CIROZ: variants seen among roughly 807,000 people sequenced by gnomAD.
CIROZ encodes ciliated left-right organizer protein containing ZP-N domains, also known as ciliated left-right organizer ZP-N domains-containing protein.
chr1:10,950,181 G>A, the CIROZ span, among the ~76,000 whole-genome samples: 2 of 151,780 alleles, frequency 1.3e-5, no homozygotes, highest in Non-Finnish European at 2.9e-5. Context: ...TTACAGGTGT[G>A]CACCACCATG....
chr1:10,975,468 A>G, the CIROZ span, among the ~76,000 whole-genome samples: 9,380 of 150,216 alleles, frequency 0.062, 1,009 homozygotes, highest in African/African-American at 0.22. Context: ...GCACACCTGT[A>G]GTCCCAGCCA....
chr1:10,959,296 A>T, the CIROZ span, among the ~76,000 whole-genome samples: 1 of 152,098 alleles, frequency 6.6e-6, no homozygotes, highest in Non-Finnish European at 1.5e-5. This position sits in a 1 kb window ranked among gnomAD's most constrained non-coding sequence, Gnocchi z 4.3. Flanking sequence ...TTCAGTGCTA[A>T]AACTGAGACA....
chr1:10,958,367 G>C, the CIROZ span, among the ~76,000 whole-genome samples: 1 of 152,200 alleles, frequency 6.6e-6, no homozygotes, highest in South Asian at 2.1e-4. Context: ...TGTGCAACAT[G>C]GAACAAGCTC....
chr1:10,949,501 G>T, the CIROZ span: 1 of 1,100,890 alleles, frequency 9.1e-7, no homozygotes. Flanking sequence ...TCAGAGTGGG[G>T]CTCTCTTTGG....
At chr1:10,960,301 G>A in the CIROZ span, among the ~76,000 whole-genome samples, 2 of 152,198 alleles carry the variant, frequency 1.3e-5, no homozygotes, top group Non-Finnish European at 2.9e-5. This position sits in a 1 kb window ranked among gnomAD's most constrained non-coding sequence, Gnocchi z 4.6. Flanking sequence ...CTACTCAGGA[G>A]GCTGAGGCAC....
chr1:10,966,594 A>G, the CIROZ span: 1 of 1,197,022 alleles, frequency 8.4e-7, no homozygotes, highest in Non-Finnish European at 1.1e-6. Context: ...GAAGCTTCTT[A>G]CCTGGAAGGG....
the CIROZ span, among the ~76,000 whole-genome samples, chr1:10,958,300 C>T: frequency 7.2e-5 from 11 of 152,262 alleles, no homozygotes; most frequent in South Asian, 1.9e-3. Context: ...CTGGATCCTT[C>T]GGGGAGGCTG....
At chr1:10,975,916 C>G in the CIROZ span, among the ~76,000 whole-genome samples, 51 of 152,216 alleles carry the variant, frequency 3.4e-4, no homozygotes, top group African/African-American at 1.2e-3. Flanking sequence ...AAACAAGCAC[C>G]GAGCTCTGAG....
chr1:10,965,820 C>CA, the CIROZ span, among the ~76,000 whole-genome samples: 546 of 107,136 alleles, frequency 5.1e-3, 10 homozygotes, highest in East Asian at 0.072. Context: ...GAGCCTCCGT[C>CA]AAAAAAAAAA....
the CIROZ span, among the ~76,000 whole-genome samples, chr1:10,961,258 G>T: frequency 3.9e-5 from 6 of 152,130 alleles, no homozygotes; most frequent in African/African-American, 7.2e-5. Context: ...TCAAACAGGT[G>T]CCCTGGCAGC....
chr1:10,947,522 TG>T, the CIROZ span: 2 of 670,570 alleles, frequency 3.0e-6, no homozygotes, highest in Non-Finnish European at 4.5e-6. Context: ...AGTGATCATC[TG>T]GGCCAGAAGA....
chr1:10,966,234 C>T, the CIROZ span: 1 of 1,250,954 alleles, frequency 8.0e-7, no homozygotes, highest in East Asian at 2.6e-5. Flanking sequence ...GACTTCTGGT[C>T]TCCCTCAGCT....
the CIROZ span, among the ~76,000 whole-genome samples, chr1:10,953,133 G>A: frequency 6.6e-6 from 1 of 152,178 alleles, no homozygotes; most frequent in Non-Finnish European, 1.5e-5. Context: ...AGCTGTGGTA[G>A]GCAGTCCCCC....
the CIROZ span, among the ~76,000 whole-genome samples, chr1:10,952,556 G>T: frequency 6.6e-6 from 1 of 152,164 alleles, no homozygotes; most frequent in South Asian, 2.1e-4. Flanking sequence ...TTTGAGACGA[G>T]TCTTGCTCTG....
the CIROZ span, among the ~76,000 whole-genome samples, chr1:10,965,212 C>T: frequency 4.6e-5 from 7 of 151,828 alleles, no homozygotes; most frequent in African/African-American, 1.7e-4. Flanking sequence ...AGGGCGACCA[C>T]AGAGAGGAAG....
chr1:10,950,857 C>G, the CIROZ span, among the ~76,000 whole-genome samples: 1 of 152,132 alleles, frequency 6.6e-6, no homozygotes, highest in Non-Finnish European at 1.5e-5. Flanking sequence ...AGCAGGAGTT[C>G]TTATATAACC....
At chr1:10,951,605 A>G in the CIROZ span, among the ~76,000 whole-genome samples, 1 of 151,340 alleles carries the variant, frequency 6.6e-6, no homozygotes, top group African/African-American at 2.4e-5. Context: ...TGTACCTATA[A>G]TCCCAGCTAC....
chr1:10,950,829 A>G, the CIROZ span, among the ~76,000 whole-genome samples: 2 of 150,588 alleles, frequency 1.3e-5, no homozygotes, highest in South Asian at 4.2e-4. Flanking sequence ...TTTTTAAATT[A>G]ACCAACAACA....
chr1:10,976,601 C>T, the CIROZ span, among the ~76,000 whole-genome samples: 1 of 151,598 alleles, frequency 6.6e-6, no homozygotes, highest in African/African-American at 2.4e-5. Flanking sequence ...CCACCCGCCT[C>T]GGCCTCCCAA....
Sources: gnomAD v4.1 joint callset for allele counts (sites outside exome capture counted in the v4.1 genomes callset) on GRCh38, gnomAD v4.1.1 for gene constraint, Gnocchi (gnomAD v3.1) non-coding constraint, MANE v1.5 for transcripts, NCBI Gene and HGNC (gene_info 2026-07-23, HGNC 2026-07-21) for gene names.